The following SLC7A2 variants were observed in gnomAD, a reference collection of about 807,000 sequenced individuals.
SLC7A2 encodes the protein solute carrier family 7 member 2.
Under a neutral mutation model 58.9 loss-of-function variants are expected in SLC7A2, and 48 were observed. That is an observed-to-expected ratio of 0.82 (90% confidence interval 0.65 to 1.04). SLC7A2 has a LOEUF of 1.04. Ranked by LOEUF, SLC7A2 falls within the 50% of genes least tolerant of loss-of-function variation. The probability of loss-of-function intolerance (pLI) is 0.00; values close to 1 mark genes in which losing one functional copy is unlikely to be tolerated. For synonymous variants in SLC7A2, 363 were observed against 314.5 expected (o/e 1.15, Z -1.63); for missense variants, 1,029 against 818.8 (o/e 1.26, Z -3.13).
rs992198838 is a variant in SLC7A2 at position 17,568,090 on chromosome 8, A to G, written c.*2944A>G. On this transcript the variant is annotated 3_prime_UTR_variant, in exon 13 of 13. Coordinates refer to ENST00000494857, the MANE Select transcript of SLC7A2 (RefSeq NM_001370338.1). The stretch of plus-strand genomic sequence containing the variant: ...TTGACTAGTAATCAATCAAAATTAT[A>G]TAAAGTCTTCTCCAGTAATTAAGAA... 9 of 152,158 alleles carry G rather than the reference A, an allele frequency of 5.9e-5. No individual in the cohort carries two copies. Among genetic ancestry groups the G allele is most frequent in the South Asian group, 4.1e-4 (2 of 4,824 alleles). 9.4% of individuals were successfully genotyped at this position (152,158 alleles called of 1,614,324 possible).
At chr8:17,499,168 C>T (rs1022409463) in intron 1 of SLC7A2, 1 of 152,382 alleles carries the variant, frequency 6.6e-6, no homozygotes, top group African/African-American at 2.4e-5. Flanking sequence ...CCCATTTCTT[C>T]TCTTTTCAGT....
chr8:17,562,122 G>T lies in SLC7A2; in HGVS notation c.1671+12G>T. 1.9e-6 allele frequency: 3 copies of T among 1,576,134 alleles called. No individual in the cohort carries two copies. The highest frequency in any genetic ancestry group is 1.7e-6 in the Non-Finnish European group (2 of 1,159,294). On this transcript the variant is annotated intron_variant, in intron 11 of 12. Coordinates refer to ENST00000494857, the MANE Select transcript of SLC7A2 (RefSeq NM_001370338.1). ...AAGTAGCCTTCATGGTATGTGTAAT[G>T]AGGATTAGAGACCCAAAATACTGTA...
intron 2 of SLC7A2, among the ~76,000 whole-genome samples, chr8:17,525,040 AT>A: frequency 6.6e-6 from 1 of 152,172 alleles, no homozygotes; most frequent in African/African-American, 2.4e-5. Flanking sequence ...ACACAGAACC[AT>A]TTTTCCACAT....
At chr8:17,510,496 T>A (rs1254478990) in intron 2 of SLC7A2, 1 of 152,198 alleles carries the variant, frequency 6.6e-6, no homozygotes, top group Non-Finnish European at 1.5e-5. Context: ...CAGCATCTAT[T>A]GTTTCTTGAC....
chr8:17,533,670 C>T (rs1563455647), intron 2 of SLC7A2, among the ~76,000 whole-genome samples: 1 of 152,224 alleles, frequency 6.6e-6, no homozygotes, highest in Non-Finnish European at 1.5e-5. Context: ...ACTCCACTAC[C>T]CTCCTGGTCC....
intron 2 of SLC7A2, among the ~76,000 whole-genome samples, chr8:17,509,882 C>A (rs1363741271): frequency 6.6e-6 from 1 of 152,002 alleles, no homozygotes; most frequent in African/African-American, 2.4e-5. Context: ...TCATTTCAAG[C>A]AGAACTGTAT....
chr8:17,537,213 T>C (rs1003889538), intron 2 of SLC7A2, among the ~76,000 whole-genome samples: 2 of 152,138 alleles, frequency 1.3e-5, no homozygotes. Context: ...CGTAACACCA[T>C]GCCTGGCTAA....
intron 2 of SLC7A2, among the ~76,000 whole-genome samples, chr8:17,518,395 T>C (rs1800884511): frequency 6.6e-6 from 1 of 152,170 alleles, no homozygotes; most frequent in Non-Finnish European, 1.5e-5. Flanking sequence ...TCTGGAATAG[T>C]GTTTCATCTC....
intron 2 of SLC7A2, among the ~76,000 whole-genome samples, chr8:17,529,524 G>GT (rs1801352941): frequency 3.3e-5 from 4 of 120,760 alleles, no homozygotes; most frequent in Non-Finnish European, 7.2e-5. Flanking sequence ...TTTTGGTTTT[G>GT]TTTTTTTGTT....
intron 1 of SLC7A2, among the ~76,000 whole-genome samples, chr8:17,501,729 A>T (rs758623986): frequency 2.0e-5 from 3 of 152,150 alleles, no homozygotes; most frequent in Non-Finnish European, 4.4e-5. Context: ...TAAAATATGT[A>T]AAATGAGATA....
At chr8:17,512,273 G>A (rs1285198592) in intron 2 of SLC7A2, among the ~76,000 whole-genome samples, 1 of 152,072 alleles carries the variant, frequency 6.6e-6, no homozygotes, top group African/African-American at 2.4e-5. Flanking sequence ...CCCTAGGCCA[G>A]GCACAGCTCA....
intron 2 of SLC7A2, among the ~76,000 whole-genome samples, chr8:17,519,439 C>T (rs7822491): frequency 0.61 from 93,290 of 152,008 alleles, 29,119 homozygotes; most frequent in Non-Finnish European, 0.64. Flanking sequence ...TTTTAAGCAA[C>T]AGTGATGAGA....
chr8:17,544,773 T>G (rs970279579), intron 4 of SLC7A2, among the ~76,000 whole-genome samples, 167 bp downstream of exon 4: 11 of 152,322 alleles, frequency 7.2e-5, no homozygotes, highest in Middle Eastern at 3.4e-3. Context: ...TGGAATCACA[T>G]TTTAACCTAA....
chr8:17,543,784 G>T, intron 3 of SLC7A2, 69 bp downstream of exon 3: 2 of 1,419,034 alleles, frequency 1.4e-6, no homozygotes, highest in Non-Finnish European at 1.9e-6. Context: ...ACAGCCCTTA[G>T]GTTCAGTTGT....
chr8:17,522,303 C>G (rs1396664164), intron 2 of SLC7A2, among the ~76,000 whole-genome samples: 1 of 152,028 alleles, frequency 6.6e-6, no homozygotes, highest in East Asian at 1.9e-4. Context: ...GTGGGGGAAA[C>G]TAGCCCCATG....
chr8:17,557,749 A>C (rs1244262878), intron 8 of SLC7A2, among the ~76,000 whole-genome samples: 1 of 152,076 alleles, frequency 6.6e-6, no homozygotes, highest in African/African-American at 2.4e-5. Flanking sequence ...AATCGCTTGG[A>C]CCAGGGGGGT....
At position 17,507,089 on chromosome 8, in the gene SLC7A2, C is replaced by T. The variant is rs564345811; in HGVS notation, c.-23+4787C>T. 2.5e-3 allele frequency among the ~76,000 whole-genome samples: 374 copies of T among 151,974 alleles called. 1 individual carries two copies. The highest frequency in any genetic ancestry group is 8.7e-3 in the African/African-American group (362 of 41,464). The stretch of plus-strand genomic sequence containing the variant: ...CCTCCCAGGTAGCTGGGACCATAGG[C>T]GGGCACCACCATGCCTGGCTAATTT... On this transcript the variant is annotated intron_variant, in intron 2 of 12. Coordinates refer to ENST00000494857, the MANE Select transcript of SLC7A2 (RefSeq NM_001370338.1).
chr8:17,514,422 T>C (rs1800721133), intron 2 of SLC7A2, among the ~76,000 whole-genome samples: 1 of 152,164 alleles, frequency 6.6e-6, no homozygotes, highest in Admixed American at 6.5e-5. Context: ...TTTCTTTAAA[T>C]ACGTGAGAAT....
intron 7 of SLC7A2, among the ~76,000 whole-genome samples, chr8:17,553,198 C>G (rs939266488): frequency 1.3e-5 from 2 of 151,994 alleles, no homozygotes; most frequent in African/African-American, 4.8e-5. Flanking sequence ...GATACAGGCA[C>G]GTAACACCAT....
Sources: gnomAD v4.1 joint callset for allele counts (sites outside exome capture counted in the v4.1 genomes callset) on GRCh38, gnomAD v4.1.1 for gene constraint, MANE v1.5 for transcripts, NCBI Gene and HGNC (gene_info 2026-07-23, HGNC 2026-07-21) for gene names.